The following REEP3 variants were observed in gnomAD, a reference collection of about 807,000 sequenced individuals.
REEP3 encodes the protein receptor expression-enhancing protein 3.
A neutral mutation model predicts 41.3 loss-of-function variants in REEP3; 20 were observed. The ratio of observed to expected loss-of-function variants is 0.48; its 90% CI spans 0.34 to 0.70. The LOEUF (loss-of-function observed/expected upper bound fraction) is 0.70, where lower values mean the gene tolerates loss of function less well. Ranked by LOEUF, REEP3 falls within the 30% of genes least tolerant of loss-of-function variation. The pLI is 0.01. For synonymous variants in REEP3, 104 were observed against 101.8 expected (o/e 1.02, Z -0.13); for missense variants, 271 against 308.8 (o/e 0.88, Z 0.92).
chr10:63,545,033 G>A (rs1955564285), intron 1 of REEP3, among the ~76,000 whole-genome samples: 1 of 152,164 alleles, frequency 6.6e-6, no homozygotes, highest in African/African-American at 2.4e-5. Flanking sequence ...GGTATTTATT[G>A]TGATTAGATT....
intron 3 of REEP3, among the ~76,000 whole-genome samples, chr10:63,596,731 C>T (rs1784154547): frequency 6.6e-6 from 1 of 152,148 alleles, no homozygotes; most frequent in South Asian, 2.1e-4. Flanking sequence ...TACATGAGGG[C>T]AAATGGTTGA....
chr10:63,551,379 T>C (rs186103747), intron 1 of REEP3, among the ~76,000 whole-genome samples: 1 of 152,234 alleles, frequency 6.6e-6, no homozygotes, highest in Admixed American at 6.5e-5. Flanking sequence ...TACAGGAGAA[T>C]AGGTAAATCT....
At chr10:63,538,727 C>G (rs1222160751) in intron 1 of REEP3, among the ~76,000 whole-genome samples, 3 of 151,954 alleles carry the variant, frequency 2.0e-5, no homozygotes, top group African/African-American at 7.2e-5. Context: ...GAGCGAGACT[C>G]CATCTCAAAA....
intron 6 of REEP3, among the ~76,000 whole-genome samples, chr10:63,614,428 GC>G (rs1356017127): frequency 6.6e-6 from 1 of 152,174 alleles, no homozygotes; most frequent in Admixed American, 6.5e-5. Context: ...CAGCAGCTGG[GC>G]TAGAGTCATA....
chr10:63,529,834 A>G (rs901390554), intron 1 of REEP3, among the ~76,000 whole-genome samples: 1 of 149,610 alleles, frequency 6.7e-6, no homozygotes, highest in Non-Finnish European at 1.5e-5. Context: ...GCTGGAGTGC[A>G]ATGGCGCAAT....
chr10:63,542,853 T>A (rs1353416863), intron 1 of REEP3, among the ~76,000 whole-genome samples: 3 of 152,224 alleles, frequency 2.0e-5, no homozygotes, highest in African/African-American at 7.2e-5. Flanking sequence ...CTAACATGTC[T>A]AACTTAGGTA....
chr10:63,567,470 G>A (rs76553695), intron 2 of REEP3, among the ~76,000 whole-genome samples: 5,599 of 152,174 alleles, frequency 0.037, 333 homozygotes, highest in East Asian at 0.28. Context: ...TCAGCATAAT[G>A]TTTTTAAGGT....
intron 1 of REEP3, among the ~76,000 whole-genome samples, chr10:63,539,149 CT>C (rs538716246): frequency 1.1e-3 from 154 of 146,582 alleles, no homozygotes; most frequent in Admixed American, 2.5e-3. Flanking sequence ...TTAAATAACA[CT>C]TTTTTTTTTT....
chr10:63,531,284 T>C (rs1955418929), intron 1 of REEP3, among the ~76,000 whole-genome samples: 1 of 152,262 alleles, frequency 6.6e-6, no homozygotes, highest in South Asian at 2.1e-4. Flanking sequence ...GATGTTTTAA[T>C]ATATCACAGT....
At position 63,552,840 on chromosome 10, in the gene REEP3, CA is replaced by C. The variant is rs1955642191; in HGVS notation, c.33-13497del. Among the ~76,000 whole-genome samples the C allele has an allele frequency of 2.0e-5, 3 of 152,152 alleles. No homozygotes were observed. In the South Asian group the frequency reaches 6.2e-4, roughly 32 times the overall value. ...GGTTTTGTGCTGTAATTACTGATGT[CA>C]GAATTAAATTAGGTGGTAGTGTAGT... On this transcript the variant is annotated intron_variant, in intron 1 of 7. Transcript: ENST00000373758.
chr10:63,594,645 A>C (rs1026681583), intron 2 of REEP3, 133 bp from the exon 3 acceptor site: 1 of 645,098 alleles, frequency 1.6e-6, no homozygotes, highest in African/African-American at 1.8e-5. Flanking sequence ...TTGACCCAAC[A>C]TACTATGTAT....
chr10:63,619,539 A>G, intron 6 of REEP3, 116 bp from the exon 7 acceptor site: 7 of 843,278 alleles, frequency 8.3e-6, no homozygotes, highest in Non-Finnish European at 1.3e-5. Flanking sequence ...CCAGATGCAA[A>G]AAGAGTAACT....
chr10:63,575,714 A>C lies in REEP3; in HGVS notation c.105+9304A>C, dbSNP rs568924787. Among the ~76,000 whole-genome samples the C allele has an allele frequency of 4.6e-5, 7 of 151,960 alleles. No individual in the cohort carries two copies. In the South Asian group the frequency reaches 8.3e-4, roughly 18 times the overall value. On this transcript the variant is annotated intron_variant, in intron 2 of 7. Transcript: ENST00000373758. ...GAGAATATGACTGACAGTTTTTTGGACACTTTTTTAATTTATTCTATTTTA... is the reference window on the plus strand; with the variant it reads ...GAGAATATGACTGACAGTTTTTTGGCCACTTTTTTAATTTATTCTATTTTA...
chr10:63,604,819 T>C (rs1564490546), intron 5 of REEP3, among the ~76,000 whole-genome samples: 1 of 152,210 alleles, frequency 6.6e-6, no homozygotes, highest in South Asian at 2.1e-4. Context: ...CACGAGATTT[T>C]GGGCAAATCA....
At chr10:63,559,090 C>G (rs1247441896) in intron 1 of REEP3, among the ~76,000 whole-genome samples, 1 of 151,980 alleles carries the variant, frequency 6.6e-6, no homozygotes, top group Non-Finnish European at 1.5e-5. Flanking sequence ...GGTCATATTA[C>G]ATTTAAGTAA....
intron 6 of REEP3, among the ~76,000 whole-genome samples, chr10:63,618,392 C>A (rs1286020420): frequency 6.6e-6 from 1 of 151,808 alleles, no homozygotes; most frequent in African/African-American, 2.4e-5. Context: ...ACTACAGGCG[C>A]CTGCCTCCAT....
At chr10:63,581,507 G>A (rs969723975) in intron 2 of REEP3, among the ~76,000 whole-genome samples, 1 of 152,174 alleles carries the variant, frequency 6.6e-6, no homozygotes, top group African/African-American at 2.4e-5. Context: ...TTGGGAGGCT[G>A]AGGTAGGAGG....
intron 1 of REEP3, among the ~76,000 whole-genome samples, chr10:63,532,645 G>T (rs1955433583): frequency 6.8e-6 from 1 of 148,088 alleles, no homozygotes; most frequent in South Asian, 2.1e-4. Context: ...GATAGAGCGA[G>T]ACTCCGTCAA....
At chr10:63,539,340 G>C (rs1226596410) in intron 1 of REEP3, among the ~76,000 whole-genome samples, 1 of 152,144 alleles carries the variant, frequency 6.6e-6, no homozygotes, top group African/African-American at 2.4e-5. Context: ...TAACCATACT[G>C]ACCCTTTGAA....
Sources: gnomAD v4.1 joint callset for allele counts (sites outside exome capture counted in the v4.1 genomes callset) on GRCh38, gnomAD v4.1.1 for gene constraint, MANE v1.5 for transcripts, NCBI Gene and HGNC (gene_info 2026-07-23, HGNC 2026-07-21) for gene names.